The following ADAMTSL1 variants were observed in gnomAD, a reference collection of about 807,000 sequenced individuals.
ADAMTSL1 encodes the protein ADAMTS-like protein 1.
In ADAMTSL1, 126 loss-of-function variants were observed where a neutral mutation model predicts 201.8. The ratio of observed to expected loss-of-function variants is 0.62; its 90% CI spans 0.54 to 0.72. The LOEUF (loss-of-function observed/expected upper bound fraction) is 0.72. Ranked by LOEUF, ADAMTSL1 falls within the 30% of genes least tolerant of loss-of-function variation. The pLI, the probability that ADAMTSL1 is intolerant of heterozygous loss-of-function variation, is 0.00. For synonymous variants in ADAMTSL1, 1,121 were observed against 903.4 expected (o/e 1.24, Z -4.32); for missense variants, 2,679 against 2,277.8 (o/e 1.18, Z -3.59).
At chr9:18,135,470 A>T (rs1357735597) in intron 1 of ADAMTSL1, among the ~76,000 whole-genome samples, 1 of 152,154 alleles carries the variant, frequency 6.6e-6, no homozygotes, top group Admixed American at 6.6e-5. Flanking sequence ...CACAAGGTGG[A>T]CAGTTACCAC....
intron 13 of ADAMTSL1, among the ~76,000 whole-genome samples, chr9:18,692,605 T>C (rs1831299908): frequency 6.6e-6 from 1 of 152,232 alleles, no homozygotes; most frequent in African/African-American, 2.4e-5. Flanking sequence ...ACTGAACTTT[T>C]CATTGGAAAG....
intron 1 of ADAMTSL1, among the ~76,000 whole-genome samples, chr9:17,988,153 A>C (rs748198446): frequency 7.9e-5 from 12 of 152,196 alleles, no homozygotes; most frequent in Non-Finnish European, 1.6e-4. Context: ...TGGCAGGTGC[A>C]AGAAAAGAGT....
At chr9:18,904,473 GAAA>G (rs35084596) in intron 26 of ADAMTSL1, among the ~76,000 whole-genome samples, 1 of 148,250 alleles carries the variant, frequency 6.7e-6, no homozygotes, top group Non-Finnish European at 1.5e-5. Flanking sequence ...CTGAGAAAAA[GAAA>G]AAAAAAGTTA....
At chr9:18,266,306 C>G (rs571788361) in intron 2 of ADAMTSL1, among the ~76,000 whole-genome samples, 41 of 152,324 alleles carry the variant, frequency 2.7e-4, no homozygotes, top group African/African-American at 9.6e-4. Flanking sequence ...ATCTAGGAGA[C>G]TATCACCTCC....
intron 20 of ADAMTSL1, 82 bp from the exon 21 acceptor site, chr9:18,817,027 G>A (rs575648537): frequency 2.0e-6 from 3 of 1,526,540 alleles, no homozygotes; most frequent in Admixed American, 2.0e-5. Context: ...CCATGCATTG[G>A]TGGTTAGCCC....
intron 1 of ADAMTSL1, among the ~76,000 whole-genome samples, chr9:18,157,925 T>C (rs140668857): frequency 6.6e-6 from 1 of 152,098 alleles, no homozygotes; most frequent in East Asian, 1.9e-4. Context: ...CAGACAAGCC[T>C]GATAGAGCAG....
At chr9:18,469,539 A>G (rs1821127004), upstream of ADAMTSL1, among the ~76,000 whole-genome samples, 1 of 152,256 alleles carries the variant, frequency 6.6e-6, no homozygotes, top group Admixed American at 6.5e-5. Flanking sequence ...TGCTTTACAG[A>G]AACACATCAC....
At chr9:18,303,612 G>T (rs1231109834) in intron 2 of ADAMTSL1, among the ~76,000 whole-genome samples, 1 of 152,176 alleles carries the variant, frequency 6.6e-6, no homozygotes, top group African/African-American at 2.4e-5. Flanking sequence ...CTGAGGGAAT[G>T]AGGGAGCTCT....
intron 20 of ADAMTSL1, 37 bp from the exon 21 acceptor site, chr9:18,817,072 C>T: frequency 6.2e-7 from 1 of 1,602,986 alleles, no homozygotes; most frequent in Non-Finnish European, 8.5e-7. Context: ...TCCACAGTCA[C>T]CACCAAGTAA....
At chr9:18,717,488 A>C (rs545065309) in intron 14 of ADAMTSL1, among the ~76,000 whole-genome samples, 34 of 152,200 alleles carry the variant, frequency 2.2e-4, no homozygotes, top group African/African-American at 8.2e-4. Flanking sequence ...AGTGACCTTA[A>C]ATTTCTTTAA....
intron 1 of ADAMTSL1, among the ~76,000 whole-genome samples, chr9:17,970,220 C>G (rs1308364681): frequency 6.6e-6 from 1 of 151,994 alleles, no homozygotes; most frequent in Non-Finnish European, 1.5e-5. Flanking sequence ...AAAACAACAA[C>G]AAATGGGAGT....
chr9:18,384,474 C>A (rs932948950), intron 2 of ADAMTSL1, among the ~76,000 whole-genome samples: 6 of 152,148 alleles, frequency 3.9e-5, no homozygotes, highest in Non-Finnish European at 8.8e-5. Flanking sequence ...TGATACTTAG[C>A]AAATGTTAGG....
At chr9:18,668,908 G>C (rs913724151) in intron 9 of ADAMTSL1, among the ~76,000 whole-genome samples, 2 of 152,232 alleles carry the variant, frequency 1.3e-5, no homozygotes, top group African/African-American at 4.8e-5. Context: ...AGCTCAGAGA[G>C]GTTAAGTGTT....
intron 23 of ADAMTSL1, among the ~76,000 whole-genome samples, chr9:18,854,603 G>A (rs1363258604): frequency 6.6e-6 from 1 of 152,176 alleles, no homozygotes. Flanking sequence ...TAGAATGGAT[G>A]CTAGAGATGT....
chr9:18,886,193 TATATATATATATATATATAC>T (rs1379642779), intron 23 of ADAMTSL1, among the ~76,000 whole-genome samples: 147 of 130,840 alleles, frequency 1.1e-3, no homozygotes, highest in African/African-American at 3.0e-3. Context: ...TATATATATA[TATATATATATATATATATAC>T]ACACACATAC....
rs960313103 is a variant in ADAMTSL1 at position 18,235,094 on chromosome 9, A to G, written c.207+71113A>G. 5.9e-5 allele frequency among the ~76,000 whole-genome samples: 9 copies of G among 151,658 alleles called. No individual in the cohort carries two copies. In the East Asian group the frequency reaches 1.6e-3, roughly 26 times the overall value. ...TTCTGATTTCATTTCTCTTTCCCTA[A>G]TTTTTTTTCTGGTCTGGAATCACAT... On this transcript the variant is annotated intron_variant, in intron 2 of 29. Coordinates refer to the ADAMTSL1 transcript ENST00000680146.
At chr9:18,056,607 A>G (rs1822198393) in intron 1 of ADAMTSL1, among the ~76,000 whole-genome samples, 1 of 152,180 alleles carries the variant, frequency 6.6e-6, no homozygotes, top group Non-Finnish European at 1.5e-5. Context: ...AAGAGGCAAT[A>G]AAAAGAGACT....
At chr9:18,068,570 C>T (rs887646190) in intron 1 of ADAMTSL1, among the ~76,000 whole-genome samples, 2 of 152,070 alleles carry the variant, frequency 1.3e-5, no homozygotes. Context: ...AATGGTAAAC[C>T]CCACAAGGAA....
intron 5 of ADAMTSL1, among the ~76,000 whole-genome samples, chr9:18,634,875 T>G (rs28660058): frequency 8.1e-6 from 1 of 123,954 alleles, no homozygotes; most frequent in Non-Finnish European, 1.7e-5. Flanking sequence ...ATATATATAT[T>G]TATATATATA....
Sources: allele counts gnomAD v4.1 joint callset (sites outside exome capture counted in the v4.1 genomes callset), GRCh38; gene constraint gnomAD v4.1.1; transcripts MANE v1.5; gene names NCBI Gene and HGNC (gene_info 2026-07-23, HGNC 2026-07-21).